The following KCNIP4 variants were observed in gnomAD, a reference collection of about 807,000 sequenced individuals.
KCNIP4 encodes potassium voltage-gated channel interacting protein 4, also known as Kv channel-interacting protein 4.
Under a neutral mutation model 34.0 loss-of-function variants are expected in KCNIP4, and 12 were observed. The observed-to-expected ratio is 0.35, with a 90% CI of 0.23 to 0.57. KCNIP4 has a LOEUF of 0.57. Ranked by LOEUF, KCNIP4 falls within the 20% of genes least tolerant of loss-of-function variation. The pLI is 0.83. For missense variants in KCNIP4, 238 were observed against 311.7 expected (o/e 0.76, Z 1.78); for synonymous variants, 124 against 102.2 (o/e 1.21, Z -1.29).
chr4:21,352,400 G>A (rs944908717), intron 1 of KCNIP4, among the ~76,000 whole-genome samples: 5 of 152,178 alleles, frequency 3.3e-5, no homozygotes, highest in African/African-American at 9.6e-5. Context: ...GACTGTACCT[G>A]GAAAAATGGG....
At chr4:20,743,276 G>A (rs943700850) in intron 5 of KCNIP4, among the ~76,000 whole-genome samples, 1 of 152,078 alleles carries the variant, frequency 6.6e-6, no homozygotes, top group African/African-American at 2.4e-5. Flanking sequence ...CTACTTTAAA[G>A]TTCATATGGA....
chr4:21,800,464 G>C (rs151296949), intron 1 of KCNIP4, among the ~76,000 whole-genome samples: 1 of 149,584 alleles, frequency 6.7e-6, no homozygotes, highest in African/African-American at 2.4e-5. Flanking sequence ...AATTCATATA[G>C]TAAAGTTACC....
intron 1 of KCNIP4, among the ~76,000 whole-genome samples, chr4:21,278,032 T>C (rs948032326): frequency 1.3e-5 from 2 of 152,156 alleles, no homozygotes; most frequent in African/African-American, 4.8e-5. Context: ...AATTCCAATA[T>C]AAATTATAGG....
At chr4:21,728,877 A>G (rs2109107442) in intron 1 of KCNIP4, among the ~76,000 whole-genome samples, 1 of 152,158 alleles carries the variant, frequency 6.6e-6, no homozygotes, top group Middle Eastern at 3.4e-3. Flanking sequence ...CCACCCTATT[A>G]AAAATAAATT....
intron 1 of KCNIP4, among the ~76,000 whole-genome samples, chr4:21,093,673 G>A (rs1418717030): frequency 2.6e-5 from 4 of 152,164 alleles, no homozygotes; most frequent in Admixed American, 6.5e-5. Context: ...TAATGATAAC[G>A]AAGATGACAA....
chr4:21,319,924 T>A (rs150554684), intron 1 of KCNIP4, among the ~76,000 whole-genome samples: 1 of 152,226 alleles, frequency 6.6e-6, no homozygotes, highest in East Asian at 1.9e-4. Flanking sequence ...CTGGTGAGTG[T>A]TTTGCAAATA....
chr4:21,727,609 A>C (rs1424802276), intron 1 of KCNIP4, among the ~76,000 whole-genome samples: 1 of 152,004 alleles, frequency 6.6e-6, no homozygotes, highest in Non-Finnish European at 1.5e-5. Context: ...TGGGTAGATC[A>C]CTGGAGGTCA....
chr4:20,909,697 C>G (rs1381521033), intron 1 of KCNIP4, among the ~76,000 whole-genome samples: 1 of 152,156 alleles, frequency 6.6e-6, no homozygotes, highest in African/African-American at 2.4e-5. Context: ...AAAGTTAATA[C>G]TCACTTCCCT....
intron 1 of KCNIP4, among the ~76,000 whole-genome samples, chr4:20,956,692 T>G (rs971525828): frequency 6.6e-6 from 1 of 152,192 alleles, no homozygotes; most frequent in Non-Finnish European, 1.5e-5. Context: ...TTCTAAATCT[T>G]TTTATGATTA....
At chr4:20,887,097 A>G (rs1445040976) in intron 1 of KCNIP4, among the ~76,000 whole-genome samples, 1 of 152,108 alleles carries the variant, frequency 6.6e-6, no homozygotes, top group Admixed American at 6.5e-5. Flanking sequence ...AATTCTAGAA[A>G]TAAAAAGAAA....
chr4:21,214,465 T>C (rs758177960), intron 1 of KCNIP4, among the ~76,000 whole-genome samples: 9 of 152,200 alleles, frequency 5.9e-5, no homozygotes, highest in Non-Finnish European at 1.0e-4. Context: ...TTTCCTATTT[T>C]TACTACCTAA....
chr4:21,032,184 A>G (rs1276545967), intron 1 of KCNIP4, among the ~76,000 whole-genome samples: 2 of 152,200 alleles, frequency 1.3e-5, no homozygotes, highest in East Asian at 3.9e-4. Flanking sequence ...TCTCAAAGAA[A>G]CAAAGGATAA....
chr4:21,461,738 G>C (rs1729482377), intron 1 of KCNIP4, among the ~76,000 whole-genome samples: 1 of 151,648 alleles, frequency 6.6e-6, no homozygotes, highest in Admixed American at 6.6e-5. Flanking sequence ...TGTCTTTCCT[G>C]CCTCACATGC....
chr4:20,871,493 G>C (rs549139415), intron 2 of KCNIP4, among the ~76,000 whole-genome samples: 14 of 152,122 alleles, frequency 9.2e-5, no homozygotes, highest in Admixed American at 2.0e-4. Flanking sequence ...GCCAGGGAGT[G>C]GCAGGGACTC....
At position 21,137,871 on chromosome 4, in the gene KCNIP4, C is replaced by CTTTTTTTTTTTTTTTTTTT. The variant is rs144440285; in HGVS notation, c.62-255163_62-255162insAAAAAAAAAAAAAAAAAAA. 7.6e-5 allele frequency among the ~76,000 whole-genome samples: 9 copies of CTTTTTTTTTTTTTTTTTTT among 118,146 alleles called. 1 individual carries two copies. Among genetic ancestry groups the CTTTTTTTTTTTTTTTTTTT allele is most frequent in the African/African-American group, 1.1e-4 (3 of 28,062 alleles). 77.5% of individuals were successfully genotyped at this position (118,146 alleles called of 152,430 possible). A position where few individuals can be genotyped will look rare whatever the true frequency, so the allele number is the denominator to read the frequency against. ...ATGAAGGCTTTTTCCCTTACACAGGCTTTTTTGTTTTTTTTTTTTTGATGG... is the reference window on the plus strand; with the variant it reads ...ATGAAGGCTTTTTCCCTTACACAGGCTTTTTTTTTTTTTTTTTTTTTTTTTGTTTTTTTTTTTTTGATGG... On this transcript the variant is annotated intron_variant, in intron 1 of 8. Transcript: ENST00000382152.
chr4:21,404,693 T>G (rs940458870), intron 1 of KCNIP4, among the ~76,000 whole-genome samples: 1 of 152,172 alleles, frequency 6.6e-6, no homozygotes, highest in Non-Finnish European at 1.5e-5. Context: ...GTTAAAGCAA[T>G]TAAAAGCTAT....
chr4:21,564,989 A>C (rs1413863431), intron 1 of KCNIP4, among the ~76,000 whole-genome samples: 1 of 152,154 alleles, frequency 6.6e-6, no homozygotes, highest in Non-Finnish European at 1.5e-5. Context: ...TCTAACAGTG[A>C]GGATCAAATT....
intron 1 of KCNIP4, among the ~76,000 whole-genome samples, chr4:21,671,892 G>A (rs1270992518): frequency 1.3e-5 from 2 of 152,088 alleles, no homozygotes; most frequent in South Asian, 4.1e-4. Flanking sequence ...TAAAGGTCTG[G>A]GTTCAAGCAA....
intron 1 of KCNIP4, among the ~76,000 whole-genome samples, chr4:21,614,712 A>G (rs1383281740): frequency 1.3e-5 from 2 of 151,528 alleles, no homozygotes; most frequent in Non-Finnish European, 2.9e-5. Context: ...TTATATATGT[A>G]TAATCTAAAT....
Sources: allele counts gnomAD v4.1 joint callset (sites outside exome capture counted in the v4.1 genomes callset), GRCh38; gene constraint gnomAD v4.1.1; transcripts MANE v1.5; gene names NCBI Gene and HGNC (gene_info 2026-07-23, HGNC 2026-07-21).